FCHO2: variants seen among roughly 807,000 people sequenced by gnomAD.
FCHO2 encodes the protein F-BAR domain only protein 2.
In FCHO2, 43 loss-of-function variants were observed where a neutral mutation model predicts 114.1. The observed-to-expected ratio is 0.38, with a 90% CI of 0.30 to 0.49. FCHO2 has a LOEUF of 0.49. Ranked by LOEUF, FCHO2 falls within the 20% of genes least tolerant of loss-of-function variation. FCHO2 has a pLI of 0.97. For missense variants in FCHO2, 807 were observed against 950.4 expected (o/e 0.85, Z 1.98); for synonymous variants, 293 against 315.2 (o/e 0.93, Z 0.75).
intron 18 of FCHO2, among the ~76,000 whole-genome samples, chr5:73,065,652 A>G (rs1476009687): frequency 1.3e-5 from 2 of 152,072 alleles, no homozygotes; most frequent in African/African-American, 4.8e-5. Flanking sequence ...TTGTATAGGC[A>G]TATTTTTAAA....
rs148097416 is a variant in FCHO2 at position 73,032,965 on chromosome 5, C to T, written c.797-1692C>T. Among the ~76,000 whole-genome samples the T allele has an allele frequency of 2.9e-3, 435 of 152,248 alleles. 2 individuals carry two copies. Among genetic ancestry groups the T allele is most frequent in the African/African-American group, 1.0e-2 (414 of 41,550 alleles). On this transcript the variant is annotated intron_variant, in intron 8 of 25. Coordinates refer to ENST00000430046, the MANE Select transcript of FCHO2 (RefSeq NM_138782.3). ...AGATTTGTTATTCATAATTTTTATA[C>T]TAAGTGAAAAGTTGCTAATTTGCAC...
At chr5:73,085,113 G>A (rs1743250805) in intron 24 of FCHO2, among the ~76,000 whole-genome samples, 1 of 152,210 alleles carries the variant, frequency 6.6e-6, no homozygotes, top group Non-Finnish European at 1.5e-5. Context: ...CACTTTGGGA[G>A]GCCAAGGCAG....
intron 17 of FCHO2, among the ~76,000 whole-genome samples, chr5:73,061,924 A>G (rs1580186660): frequency 6.6e-6 from 1 of 152,106 alleles, no homozygotes; most frequent in Admixed American, 6.6e-5. Flanking sequence ...TTTCTTCTAC[A>G]TCATCATTAT....
intron 11 of FCHO2, among the ~76,000 whole-genome samples, chr5:73,048,074 C>T (rs942276891): frequency 7.2e-6 from 1 of 139,174 alleles, no homozygotes; most frequent in Non-Finnish European, 1.6e-5. Flanking sequence ...CTCCTGGGCT[C>T]AAGCAATCTT....
At chr5:73,018,920 A>G (rs540975157) in intron 8 of FCHO2, among the ~76,000 whole-genome samples, 17 of 152,332 alleles carry the variant, frequency 1.1e-4, no homozygotes, top group African/African-American at 4.1e-4. Flanking sequence ...GCACGCAAGC[A>G]GTGAATCAGA....
chr5:73,086,248 G>A (rs1743308303), intron 24 of FCHO2, among the ~76,000 whole-genome samples: 1 of 152,202 alleles, frequency 6.6e-6, no homozygotes, highest in Admixed American at 6.5e-5. Flanking sequence ...TTGGTCTATG[G>A]TAGAACTTTT....
intron 6 of FCHO2, among the ~76,000 whole-genome samples, chr5:73,015,140 A>T (rs972976568): frequency 1.3e-5 from 2 of 151,990 alleles, no homozygotes; most frequent in African/African-American, 4.8e-5. Context: ...AAGAAATGAC[A>T]TAACAAAAAG....
chr5:72,978,515 C>T (rs557767413), intron 2 of FCHO2, among the ~76,000 whole-genome samples: 75 of 152,234 alleles, frequency 4.9e-4, no homozygotes, highest in African/African-American at 1.6e-3. Context: ...TGGGCTGAGA[C>T]GATGGGGTTT....
At chr5:73,014,874 C>T (rs368863127) in intron 6 of FCHO2, among the ~76,000 whole-genome samples, 7 of 151,832 alleles carry the variant, frequency 4.6e-5, no homozygotes, top group East Asian at 3.9e-4. Flanking sequence ...GTCAGGAGAT[C>T]GAGACTTTCC....
At chr5:73,077,958 T>C (rs1254225597) in intron 21 of FCHO2, among the ~76,000 whole-genome samples, 3 of 152,216 alleles carry the variant, frequency 2.0e-5, no homozygotes, top group Admixed American at 2.0e-4. Context: ...TATTTTGTTT[T>C]CAGTGGTGCT....
Position 73,082,826 on chromosome 5 carries a change from G to C in FCHO2, c.2245+1G>C, listed in dbSNP as rs1380425423. On this transcript the variant is annotated splice_donor_variant, in intron 24 of 25. Transcript: ENST00000430046. LOFTEE classifies it high-confidence loss of function. The stretch of plus-strand genomic sequence containing the variant: ...ATTTCAGAAAAATCAGAAAATGGAG[G>C]TAAGTGTGTGTGTCCTTTTTTATTT... 6.3e-7 allele frequency: 1 copy of C among 1,597,292 alleles called. No individual in the cohort carries two copies. The highest frequency in any genetic ancestry group is 8.5e-7 in the Non-Finnish European group (1 of 1,172,040).
At chr5:72,975,679 A>G (rs1402328094) in intron 2 of FCHO2, among the ~76,000 whole-genome samples, 1 of 151,762 alleles carries the variant, frequency 6.6e-6, no homozygotes, top group African/African-American at 2.4e-5. Flanking sequence ...TAATTTTTGT[A>G]TTTTTTATAG....
At chr5:73,023,405 A>G (rs1018723433) in intron 8 of FCHO2, among the ~76,000 whole-genome samples, 4 of 152,208 alleles carry the variant, frequency 2.6e-5, no homozygotes, top group African/African-American at 9.6e-5. Flanking sequence ...GGGCCTTAAA[A>G]TTAATGTAGT....
At position 73,015,738 on chromosome 5, in the gene FCHO2, C is replaced by G. The variant is rs372243004; in HGVS notation, c.699+14C>G. The stretch of plus-strand genomic sequence containing the variant: ...CAGATAGGCCAGGTAAGTTTTTTTA[C>G]TTTATGTTGAACTATTCATGAAAAA... On this transcript the variant is annotated intron_variant, in intron 7 of 25. Coordinates refer to ENST00000430046, the MANE Select transcript of FCHO2 (RefSeq NM_138782.3). The G allele has an allele frequency of 3.2e-4, 482 of 1,496,006 alleles. No individual in the cohort carries two copies. The highest frequency in any genetic ancestry group is 4.2e-4 in the Non-Finnish European group (463 of 1,110,612). 92.7% of individuals were successfully genotyped at this position (1,496,006 alleles called of 1,614,324 possible). A position where few individuals can be genotyped will look rare whatever the true frequency, so the allele number is the denominator to read the frequency against.
intron 22 of FCHO2, among the ~76,000 whole-genome samples, chr5:73,078,989 C>T (rs1743005473): frequency 6.6e-6 from 1 of 152,198 alleles, no homozygotes; most frequent in Non-Finnish European, 1.5e-5. Context: ...TTAACTTATA[C>T]ATCTAATATA....
At chr5:73,083,237 T>C (rs1224288476) in intron 24 of FCHO2, among the ~76,000 whole-genome samples, 1 of 152,154 alleles carries the variant, frequency 6.6e-6, no homozygotes, top group East Asian at 1.9e-4. Context: ...GGAAAGTTTA[T>C]GTAAAGTTTC....
intron 1 of FCHO2, among the ~76,000 whole-genome samples, chr5:72,962,858 A>G (rs1369551420): frequency 6.6e-6 from 1 of 151,640 alleles, no homozygotes; most frequent in Non-Finnish European, 1.5e-5. Flanking sequence ...ACGCCACTGT[A>G]CTCCAGTTGG....
At chr5:73,028,451 T>C (rs780790263) in intron 8 of FCHO2, among the ~76,000 whole-genome samples, 2 of 152,020 alleles carry the variant, frequency 1.3e-5, no homozygotes, top group Non-Finnish European at 2.9e-5. Flanking sequence ...TTGTAGTAGC[T>C]CCAAACTGTA....
In FCHO2 at chr5:73,007,786, A is replaced by G. The variant is rs1011584272; in HGVS notation, c.600+1237A>G. 1.1e-4 allele frequency among the ~76,000 whole-genome samples: 17 copies of G among 152,352 alleles called. 1 individual carries two copies. The highest frequency in any genetic ancestry group is 4.1e-4 in the African/African-American group (17 of 41,588). On this transcript the variant is annotated intron_variant, in intron 6 of 25. Coordinates refer to ENST00000430046, the MANE Select transcript of FCHO2 (RefSeq NM_138782.3). ...GCAGACATTAAATACATGCTTAAAT[A>G]TAAAGTTATAAATTATTATAAGTAT... is the stretch of plus-strand genomic sequence containing the variant.
Sources: allele counts gnomAD v4.1 joint callset (sites outside exome capture counted in the v4.1 genomes callset), GRCh38; gene constraint gnomAD v4.1.1; transcripts MANE v1.5; gene names NCBI Gene and HGNC (gene_info 2026-07-23, HGNC 2026-07-21).